IQGAP1: variants seen among roughly 807,000 people sequenced by gnomAD.
IQGAP1 encodes ras GTPase-activating-like protein IQGAP1.
Under a neutral mutation model 215.6 loss-of-function variants are expected in IQGAP1, and 66 were observed. That is an observed-to-expected ratio of 0.31 (90% CI 0.25 to 0.38). IQGAP1 has a LOEUF of 0.38. IQGAP1 is among the 10% of genes least tolerant of loss of function. The pLI, the probability that IQGAP1 is intolerant of heterozygous loss-of-function variation, is 1.00. For synonymous variants in IQGAP1, 772 were observed against 728.7 expected, an observed-to-expected ratio of 1.06 and a Z score of -0.96; for missense variants, 1,712 against 1,997.1, an observed-to-expected ratio of 0.86 and a Z score of 2.72.
At chr15:90,422,944 C>T (rs996387197) in intron 2 of IQGAP1, among the ~76,000 whole-genome samples, 8 of 152,050 alleles carry the variant, frequency 5.3e-5, no homozygotes, top group African/African-American at 1.4e-4. Flanking sequence ...ATCCTCCTGC[C>T]TTGGCCTCCC....
chr15:90,488,316 TCTAGA>T (rs1966158216), intron 33 of IQGAP1, among the ~76,000 whole-genome samples: 2 of 152,262 alleles, frequency 1.3e-5, no homozygotes, highest in South Asian at 4.1e-4. Context: ...TTAAATCATC[TCTAGA>T]CTACTTATAA....
Position 90,474,589 on chromosome 15 carries a change from G to T in IQGAP1, c.2680G>T (p.Glu894Ter). Residue 894 changes from glutamate to a stop codon, truncating the protein, a stop_gained, in exon 23 of 38, where the codon GAA becomes TAA. Transcript: ENST00000268182. LOFTEE classifies it high-confidence loss of function. ...GGAGCTTGACCTTATGAAGATGCGG[G>T]AAGAGGTTATCACCCTCATTCGTTC... Reference protein sequence around the residue: ...QEELDLMKMREEVITLIRSNQ... With the variant: ...QEELDLMKMR 6.2e-7 allele frequency: 1 copy of T among 1,614,010 alleles called. No homozygotes were observed. The highest frequency in any genetic ancestry group is 8.5e-7 in the Non-Finnish European group (1 of 1,179,896).
At chr15:90,497,188 T>G in intron 36 of IQGAP1, 44 bp from the exon 37 acceptor site, 69 of 993,678 alleles carry the variant, frequency 6.9e-5, no homozygotes, top group Non-Finnish European at 9.2e-5. Flanking sequence ...TATTTTTATA[T>G]GAGAATATAA....
chr15:90,453,394 C>G (rs1012036295), intron 13 of IQGAP1, 102 bp downstream of exon 13: 3 of 855,360 alleles, frequency 3.5e-6, no homozygotes, highest in Non-Finnish European at 3.5e-6. Flanking sequence ...ATTACTTTAT[C>G]ATGGTCATAC....
At chr15:90,436,077 T>C (rs897830599) in intron 5 of IQGAP1, among the ~76,000 whole-genome samples, 1 of 151,464 alleles carries the variant, frequency 6.6e-6, no homozygotes, top group Non-Finnish European at 1.5e-5. Flanking sequence ...TTTTTTTTTT[T>C]TCCTCTAAAG....
At chr15:90,442,817 A>G (rs1405827868) in intron 8 of IQGAP1, among the ~76,000 whole-genome samples, 1 of 152,080 alleles carries the variant, frequency 6.6e-6, no homozygotes, top group African/African-American at 2.4e-5. Context: ...AAAAATACCA[A>G]AAAAATTAAC....
At chr15:90,453,095 T>A in intron 12 of IQGAP1, 37 bp from the exon 13 acceptor site, 1 of 1,576,604 alleles carries the variant, frequency 6.3e-7, no homozygotes, top group Non-Finnish European at 8.6e-7. Context: ...GAGAATGTCT[T>A]TCCTCACTGT....
At chr15:90,410,796 A>C (rs1964951416) in intron 2 of IQGAP1, among the ~76,000 whole-genome samples, 1 of 151,602 alleles carries the variant, frequency 6.6e-6, no homozygotes, top group African/African-American at 2.4e-5. Flanking sequence ...ATACATATGT[A>C]ACAAACCTGC....
At chr15:90,433,110 A>G (rs1436919494) in intron 4 of IQGAP1, among the ~76,000 whole-genome samples, 1 of 152,234 alleles carries the variant, frequency 6.6e-6, no homozygotes, top group African/African-American at 2.4e-5. Flanking sequence ...CGATTTTGGT[A>G]AGTGCTACCG....
chr15:90,474,828 C>A, intron 23 of IQGAP1, 135 bp downstream of exon 23: 1 of 626,030 alleles, frequency 1.6e-6, no homozygotes, highest in East Asian at 2.8e-5. Flanking sequence ...TTTTTTTTTT[C>A]TTTTGACTGA....
chr15:90,458,076 C>A (rs1965711690), intron 15 of IQGAP1, among the ~76,000 whole-genome samples: 1 of 152,210 alleles, frequency 6.6e-6, no homozygotes, highest in Admixed American at 6.5e-5. Context: ...AACCATCAGA[C>A]TGCTGGTTTG....
chr15:90,442,986 A>G (rs1454024578), intron 8 of IQGAP1, among the ~76,000 whole-genome samples: 1 of 151,614 alleles, frequency 6.6e-6, no homozygotes, highest in African/African-American at 2.4e-5. Context: ...AAAAGACAGA[A>G]TCTCGCTCAG....
rs779600631 is a variant in IQGAP1, at chr15:90,473,808, C to A, written c.2433+10C>A. ...AGATGAAGTTGTAAAGGTATGGTAG[C>A]CTGAACAGGGTTTCTCCATGAGGGG... On this transcript the variant is annotated intron_variant, in intron 20 of 37. Coordinates refer to ENST00000268182, the MANE Select transcript of IQGAP1 (RefSeq NM_003870.4). The A allele has an allele frequency of 4.3e-6, 7 of 1,612,024 alleles. No individual in the cohort carries two copies. The highest frequency in any genetic ancestry group is 5.1e-6 in the Non-Finnish European group (6 of 1,178,964).
rs1005721802 is a variant in IQGAP1, at chr15:90,467,602, C to T, written c.2178+10C>T. ...TCGGGAGGAGATCCAGGTAGGTTACCTTTCTTCACGTAAGAAGAAGCTGAG... is the reference window on the plus strand; with the variant it reads ...TCGGGAGGAGATCCAGGTAGGTTACTTTTCTTCACGTAAGAAGAAGCTGAG... On this transcript the variant is annotated intron_variant, in intron 18 of 37. Transcript: ENST00000268182. The T allele has an allele frequency of 6.9e-6, 11 of 1,600,094 alleles. No individual in the cohort carries two copies. The highest frequency in any genetic ancestry group is 9.4e-6 in the Non-Finnish European group (11 of 1,175,584).
intron 5 of IQGAP1, 90 bp from the exon 6 acceptor site, chr15:90,439,242 T>A: frequency 4.6e-6 from 4 of 860,760 alleles, no homozygotes; most frequent in South Asian, 4.4e-5. Context: ...AGAATACTTC[T>A]ATTTTATACT....
rs1273776024 is a variant in IQGAP1 at position 90,440,538 on chromosome 15, A to C, written c.572A>C (p.Lys191Thr). The C allele has an allele frequency of 6.4e-7, 1 of 1,569,912 alleles. No individual in the cohort carries two copies. Among genetic ancestry groups the C allele is most frequent in the South Asian group, 1.2e-5 (1 of 85,274 alleles). Residue 191 changes from lysine (K) to threonine (T), a missense_variant, in exon 7 of 38, where the codon AAG becomes ACG. Lys to Thr is a moderately conservative substitution (Grantham distance 78). Around this residue, in one of 2 missense-constraint regions of IQGAP1, gnomAD observed 1,021 missense variants for 1,074.2 expected, o/e 0.95. Coordinates refer to ENST00000268182, the MANE Select transcript of IQGAP1 (RefSeq NM_003870.4). ...AACAACATGAAGACTGAGTTGGAGA[A>C]GTATGGCATCCAGATGCCTGCCTTT... is the stretch of plus-strand genomic sequence containing the variant. Reference protein sequence around the residue: ...EINNMKTELEKYGIQMPAFSK... With the variant: ...EINNMKTELETYGIQMPAFSK...
In IQGAP1 at chr15:90,423,233, G is replaced by T. The variant is rs150773069; in HGVS notation, c.156-2877G>T. ...GGCACTTTACTTTTCAAAGCAGTTT[G>T]GTCCTGATTTGTTCGTTTGTGACAG... On this transcript the variant is annotated intron_variant, in intron 2 of 37. Coordinates refer to ENST00000268182, the MANE Select transcript of IQGAP1 (RefSeq NM_003870.4). Among the ~76,000 whole-genome samples the T allele has an allele frequency of 4.5e-4, 68 of 152,140 alleles. 1 individual carries two copies. In the South Asian group the frequency reaches 0.014, roughly 31 times the overall value.
intron 3 of IQGAP1, among the ~76,000 whole-genome samples, chr15:90,426,953 C>CA (rs56984277): frequency 0.31 from 29,374 of 93,486 alleles, 3,822 homozygotes; most frequent in African/African-American, 0.42. Flanking sequence ...GACTCCATCT[C>CA]AAAAAAAAAA....
chr15:90,431,116 A>G (rs1323791123), intron 4 of IQGAP1: 1 of 150,608 alleles, frequency 6.6e-6, no homozygotes, highest in Admixed American at 6.6e-5. Flanking sequence ...ATTGATATGT[A>G]TACAATATAC....
Sources: allele counts gnomAD v4.1 joint callset (sites outside exome capture counted in the v4.1 genomes callset), GRCh38; gene constraint gnomAD v4.1.1; regional missense constraint gnomAD v4.1.1; transcripts MANE v1.5; gene names NCBI Gene and HGNC (gene_info 2026-07-23, HGNC 2026-07-21).